Variants in BRPF3 observed in about 807,000 individuals in gnomAD.
The protein encoded by BRPF3 is bromodomain and PHD finger-containing protein 3.
A neutral mutation model predicts 102.0 loss-of-function variants in BRPF3; 18 were observed. That is an observed-to-expected ratio of 0.18 (90% CI 0.12 to 0.26). The LOEUF (loss-of-function observed/expected upper bound fraction) is 0.26, where lower values mean the gene tolerates loss of function less well. Ranked by LOEUF, BRPF3 falls within the 10% of genes least tolerant of loss-of-function variation. The pLI is 1.00. For missense variants in BRPF3, 1,147 were observed against 1,567.8 expected (o/e 0.73, Z 4.53); for synonymous variants, 570 against 614.2 (o/e 0.93, Z 1.06).
chr6:36,216,035 G>T (rs1483496600), intron 8 of BRPF3, among the ~76,000 whole-genome samples: 1 of 152,132 alleles, frequency 6.6e-6, no homozygotes. Context: ...TGTGTTAGGG[G>T]AGTAAGTTGG....
At chr6:36,227,918 G>C (rs1478072489) in intron 11 of BRPF3, among the ~76,000 whole-genome samples, 1 of 152,188 alleles carries the variant, frequency 6.6e-6, no homozygotes, top group Non-Finnish European at 1.5e-5. Context: ...TTGTAAGAAG[G>C]GGCCCACTGG....
chr6:36,201,892 C>G lies in BRPF3; in HGVS notation c.1448+122C>G. On this transcript the variant is annotated intron_variant, in intron 2 of 12. Transcript: ENST00000357641. This position sits in a 1 kb window ranked among gnomAD's most constrained non-coding sequence, Gnocchi z 5.1. ...ATATCCTCCTCCCCGAATTTAAACT[C>G]TTCCTTTTGACCCCAGGCTCACCTG... 2.0e-5 allele frequency: 28 copies of G among 1,408,236 alleles called. No individual in the cohort carries two copies. The highest frequency in any genetic ancestry group is 2.7e-5 in the Non-Finnish European group (28 of 1,055,010). 87.2% of individuals were successfully genotyped at this position (1,408,236 alleles called of 1,614,324 possible).
chr6:36,214,426 C>G (rs1259283437), intron 8 of BRPF3, 40 bp downstream of exon 8: 2 of 1,510,140 alleles, frequency 1.3e-6, no homozygotes, highest in African/African-American at 2.8e-5. Flanking sequence ...TTCGCATCTG[C>G]TTTTCTGCTT....
intron 11 of BRPF3, among the ~76,000 whole-genome samples, chr6:36,227,281 T>C (rs997890588): frequency 6.6e-6 from 1 of 152,182 alleles, no homozygotes. Flanking sequence ...TATACTGCAT[T>C]ATAGAAGTTT....
intron 1 of BRPF3, among the ~76,000 whole-genome samples, chr6:36,199,670 A>G (rs566644756): frequency 6.6e-6 from 1 of 152,326 alleles, no homozygotes; most frequent in Admixed American, 6.5e-5. Context: ...CGTTAACTAC[A>G]TGTGTTTTCC....
rs892498223 is a variant in BRPF3 at position 36,213,935 on chromosome 6, C to T, written c.2538C>T (p.Ser846=). 1.2e-6 allele frequency: 2 copies of T among 1,614,052 alleles called. No homozygotes were observed. Among genetic ancestry groups the T allele is most frequent in the Admixed American group, 1.7e-5 (1 of 60,010 alleles). The change falls in exon 8 of 13, where the codon TCC becomes TCT. Residue 846 remains serine (S), a synonymous_variant. Transcript: ENST00000357641. The part of the protein sequence containing the change: ...PTLEPTGPAP[S]LSEQESPPEP... The stretch of plus-strand genomic sequence containing the variant: ...TGGAGCCCACTGGGCCTGCACCTTC[C>T]TTGTCTGAGCAAGAATCCCCCCCGG...
intron 1 of BRPF3, among the ~76,000 whole-genome samples, chr6:36,198,582 CT>C (rs780055111): frequency 1.1e-4 from 17 of 152,184 alleles, no homozygotes; most frequent in Non-Finnish European, 2.1e-4. Flanking sequence ...GCTACACCAT[CT>C]CCTAAGGTAG....
Position 36,201,171 on chromosome 6 carries a change from T to C in BRPF3, c.849T>C (p.Ser283=), listed in dbSNP as rs1316374333. The C allele has an allele frequency of 1.2e-6, 2 of 1,614,102 alleles. No individual in the cohort carries two copies. Among genetic ancestry groups the C allele is most frequent in the Admixed American group, 3.3e-5 (2 of 60,014 alleles). ...AGGGTGGCGCCTTCAAACAGACCAGTGATGGGCACTGGGCCCATGTGGTGT... is the reference window on the plus strand; with the variant it reads ...AGGGTGGCGCCTTCAAACAGACCAGCGATGGGCACTGGGCCCATGTGGTGT... ...PNKGGAFKQT[S]DGHWAHVVCA... Residue 283 remains serine (S), a synonymous_variant, in exon 2 of 13, where the codon AGT becomes AGC. Coordinates refer to ENST00000357641, the MANE Select transcript of BRPF3 (RefSeq NM_015695.3). This position sits in a 1 kb window ranked among gnomAD's most constrained non-coding sequence, Gnocchi z 5.1.
chr6:36,212,535 T>G (rs1355530657), intron 7 of BRPF3, among the ~76,000 whole-genome samples: 14 of 135,480 alleles, frequency 1.0e-4, no homozygotes, highest in Non-Finnish European at 1.7e-4. Context: ...GCTGTGGCAG[T>G]ACAGAGTTGT....
intron 8 of BRPF3, among the ~76,000 whole-genome samples, chr6:36,216,577 C>G (rs939885930): frequency 4.6e-5 from 7 of 152,214 alleles, no homozygotes; most frequent in African/African-American, 1.4e-4. Context: ...AGAGCCAGGT[C>G]AGAGGATAGA....
At position 36,201,213 on chromosome 6, in the gene BRPF3, T is replaced by C; in HGVS notation, c.891T>C (p.Pro297=). The C allele has an allele frequency of 6.2e-7, 1 of 1,614,192 alleles. No homozygotes were observed. The highest frequency in any genetic ancestry group is 2.2e-5 in the East Asian group (1 of 44,870). Residue 297 remains proline (P), a synonymous_variant, in exon 2 of 13, where the codon CCT becomes CCC. Transcript: ENST00000357641. This position sits in a 1 kb window ranked among gnomAD's most constrained non-coding sequence, Gnocchi z 5.1. The part of the protein sequence containing the change: ...WAHVVCAIWI[P]EVCFANTVFL... The stretch of plus-strand genomic sequence containing the variant: ...ATGTGGTGTGTGCCATCTGGATCCC[T>C]GAAGTCTGCTTTGCTAACACCGTGT...
chr6:36,199,403 G>T (rs1453676961), intron 1 of BRPF3, among the ~76,000 whole-genome samples: 1 of 152,196 alleles, frequency 6.6e-6, no homozygotes, highest in Non-Finnish European at 1.5e-5. Context: ...TGCCAAAAAG[G>T]CTGGGGACTG....
chr6:36,222,277 T>C lies in BRPF3; in HGVS notation c.3181+12T>C. The C allele has an allele frequency of 1.3e-6, 2 of 1,549,228 alleles. No homozygotes were observed. Among genetic ancestry groups the C allele is most frequent in the Non-Finnish European group, 1.7e-6 (2 of 1,146,564 alleles). On this transcript the variant is annotated intron_variant, in intron 10 of 12. Coordinates refer to ENST00000357641, the MANE Select transcript of BRPF3 (RefSeq NM_015695.3). ...CTACAATGGCTCAGGTGAGGAGCAG[T>C]GTTCAGGCAGAACTGAGGGGGCCAG... is the stretch of plus-strand genomic sequence containing the variant.
intron 4 of BRPF3, among the ~76,000 whole-genome samples, chr6:36,209,370 A>G (rs779292432): frequency 6.6e-6 from 1 of 152,214 alleles, no homozygotes; most frequent in Non-Finnish European, 1.5e-5. Flanking sequence ...TAGGCCAGTT[A>G]CTTAGTTTCC....
chr6:36,230,709 C>A lies in BRPF3; in HGVS notation c.*100C>A, dbSNP rs551915087. On this transcript the variant is annotated 3_prime_UTR_variant, in exon 13 of 13. Coordinates refer to ENST00000357641, the MANE Select transcript of BRPF3 (RefSeq NM_015695.3). The surrounding 1 kb of genome is among the most constrained non-coding windows in gnomAD (Gnocchi z 5.4). The stretch of plus-strand genomic sequence containing the variant: ...CAGATGTATGGCCGGCAGCTTCCCC[C>A]TCTCATGGTAGGCCAGGGACTGGGC... 3 of 1,397,158 alleles carry A rather than the reference C, an allele frequency of 2.1e-6. No individual in the cohort carries two copies. Among genetic ancestry groups the A allele is most frequent in the South Asian group, 1.4e-5 (1 of 71,178 alleles). The allele number at this position is 1,397,158 out of a possible 1,614,324, so 86.5% of individuals were successfully genotyped here.
chr6:36,200,437 C>A lies in BRPF3; in HGVS notation c.115C>A (p.Arg39=), dbSNP rs780866046. 1.1e-5 allele frequency: 18 copies of A among 1,614,100 alleles called. No individual in the cohort carries two copies. The Admixed American group carries it at 2.8e-4, about 25-fold the overall frequency. Residue 39 remains arginine (R), a synonymous_variant, in exon 2 of 13, where the codon CGG becomes AGG. Transcript: ENST00000357641. This position sits in a 1 kb window ranked among gnomAD's most constrained non-coding sequence, Gnocchi z 5.3. ...RETLTYAQAQ[R]IVEVDIDGRL... ...GACCCTGACATATGCCCAGGCCCAGCGGATTGTCGAGGTAGACATTGATGG... is the reference window on the plus strand; with the variant it reads ...GACCCTGACATATGCCCAGGCCCAGAGGATTGTCGAGGTAGACATTGATGG...
intron 7 of BRPF3, among the ~76,000 whole-genome samples, chr6:36,213,220 G>C (rs1768195816): frequency 6.6e-6 from 1 of 152,130 alleles, no homozygotes; most frequent in Non-Finnish European, 1.5e-5. Context: ...GTAGAGCAAT[G>C]GTTTGCAATC....
rs116730127 is a variant in BRPF3 at position 36,207,277 on chromosome 6, G to A, written c.1606-36G>A. 411 of 1,600,452 alleles carry A rather than the reference G, an allele frequency of 2.6e-4. 1 individual carries two copies. The African/African-American group carries it at 4.9e-3, about 19-fold the overall frequency. On this transcript the variant is annotated intron_variant, in intron 3 of 12. Coordinates refer to ENST00000357641, the MANE Select transcript of BRPF3 (RefSeq NM_015695.3). ...AACAGGGAGAGGACTTTTGCAAGAA[G>A]GAGGTTCCTAGTCCCTCTTCTCTTC...
Position 36,209,926 on chromosome 6 carries a change from C to T in BRPF3, c.1866+11C>T, listed in dbSNP as rs543203433. ...GTCAACTTGAGTGAGGCAAGTTCCC[C>T]CTACTTTCCAAGTAGTAAATTCTTC... On this transcript the variant is annotated intron_variant, in intron 5 of 12. Transcript: ENST00000357641. The T allele has an allele frequency of 4.3e-6, 7 of 1,613,590 alleles. No individual in the cohort carries two copies. In the South Asian group the frequency reaches 4.4e-5, roughly 10 times the overall value.
Sources: gnomAD v4.1 joint callset for allele counts (sites outside exome capture counted in the v4.1 genomes callset) on GRCh38, gnomAD v4.1.1 for gene constraint, Gnocchi (gnomAD v3.1) non-coding constraint, MANE v1.5 for transcripts, NCBI Gene and HGNC (gene_info 2026-07-23, HGNC 2026-07-21) for gene names.